The following CRADD variants were observed in gnomAD, a reference collection of about 807,000 sequenced individuals.
CRADD encodes the protein death domain-containing protein CRADD.
A neutral mutation model predicts 15.5 loss-of-function variants in CRADD; 9 were observed. The observed-to-expected ratio is 0.58, with a 90% CI of 0.35 to 1.01. The LOEUF is 1.01. Among genes scored for constraint, CRADD ranks in the 50% least tolerant of loss-of-function variants. The pLI, the probability that CRADD is intolerant of heterozygous loss-of-function variation, is 0.02. For missense variants in CRADD, 227 were observed against 250.3 expected (o/e 0.91, Z 0.63); for synonymous variants, 118 against 107.6 (o/e 1.10, Z -0.60).
chr12:93,765,319 TAGTA>T (rs530353269), intron 2 of CRADD, among the ~76,000 whole-genome samples: 100 of 152,262 alleles, frequency 6.6e-4, no homozygotes, highest in African/African-American at 2.1e-3. Flanking sequence ...ATCATATTAA[TAGTA>T]ATAATAATAA....
chr12:93,750,557 CA>C (rs938659314), intron 2 of CRADD, among the ~76,000 whole-genome samples: 11 of 151,962 alleles, frequency 7.2e-5, no homozygotes, highest in Admixed American at 2.0e-4. Flanking sequence ...AAATTACATA[CA>C]AAAAAACCTA....
At chr12:93,734,277 A>T (rs556120238) in intron 2 of CRADD, among the ~76,000 whole-genome samples, 10 of 152,204 alleles carry the variant, frequency 6.6e-5, no homozygotes, top group Non-Finnish European at 1.2e-4. Flanking sequence ...AGAGATTCAA[A>T]GCATTTTCAA....
intron 2 of CRADD, among the ~76,000 whole-genome samples, chr12:93,783,228 GTATTATTATTAT>G (rs57260302): frequency 0.065 from 9,014 of 139,304 alleles, 623 homozygotes; most frequent in African/African-American, 0.14. Flanking sequence ...ACAGGTATAG[GTATTATTATTAT>G]TATTATTATT....
intron 2 of CRADD, among the ~76,000 whole-genome samples, chr12:93,717,124 A>G (rs932477746): frequency 7.9e-5 from 12 of 152,286 alleles, no homozygotes; most frequent in African/African-American, 2.9e-4. Flanking sequence ...CCTTAATGAT[A>G]TATGATGTTG....
chr12:93,693,412 C>G (rs1410778590), intron 2 of CRADD, among the ~76,000 whole-genome samples: 1 of 151,870 alleles, frequency 6.6e-6, no homozygotes, highest in African/African-American at 2.4e-5. Flanking sequence ...ATTTTCCATG[C>G]AAATGGAAAC....
intron 2 of CRADD, among the ~76,000 whole-genome samples, chr12:93,694,516 G>C (rs1257317330): frequency 1.3e-5 from 2 of 152,066 alleles, no homozygotes; most frequent in Non-Finnish European, 1.5e-5. Flanking sequence ...AGATTAGAAA[G>C]AAAGAAGTTA....
At chr12:93,728,859 A>G (rs538925768) in intron 2 of CRADD, among the ~76,000 whole-genome samples, 33 of 152,232 alleles carry the variant, frequency 2.2e-4, no homozygotes, top group Non-Finnish European at 3.7e-4. Flanking sequence ...TTGAAAATCA[A>G]TGTAATTTAT....
At chr12:93,773,440 CT>C (rs941249065) in intron 2 of CRADD, among the ~76,000 whole-genome samples, 1 of 152,142 alleles carries the variant, frequency 6.6e-6, no homozygotes, top group African/African-American at 2.4e-5. Flanking sequence ...TGAGGTGTGC[CT>C]TTCACCTTCT....
intron 2 of CRADD, among the ~76,000 whole-genome samples, chr12:93,695,356 T>C (rs985100394): frequency 6.6e-6 from 1 of 152,158 alleles, no homozygotes; most frequent in African/African-American, 2.4e-5. Flanking sequence ...ATGAAACTAC[T>C]AGAAGAAAAC....
At chr12:93,756,760 C>T (rs1265866330) in intron 2 of CRADD, among the ~76,000 whole-genome samples, 4 of 152,186 alleles carry the variant, frequency 2.6e-5, no homozygotes, top group Non-Finnish European at 5.9e-5. Context: ...CAAGAACATG[C>T]CATGTAGGCA....
At chr12:93,852,588 C>G (rs1006091208), downstream of CRADD, among the ~76,000 whole-genome samples, 1 of 152,200 alleles carries the variant, frequency 6.6e-6, no homozygotes, top group Non-Finnish European at 1.5e-5. Flanking sequence ...GCAGCTGAAT[C>G]CCTATCTTGG....
intron 2 of CRADD, among the ~76,000 whole-genome samples, chr12:93,890,749 T>G (rs1958570239): frequency 6.7e-6 from 1 of 148,376 alleles, no homozygotes; most frequent in Non-Finnish European, 1.5e-5. Flanking sequence ...TTGTTGCTTG[T>G]TTTTTCTTTC....
intron 2 of CRADD, among the ~76,000 whole-genome samples, chr12:93,797,636 A>G (rs1488243372): frequency 6.6e-6 from 1 of 152,186 alleles, no homozygotes; most frequent in Non-Finnish European, 1.5e-5. Context: ...AACTTTGCCA[A>G]AAGAATTTTA....
At chr12:93,718,503 A>T (rs2136881489) in intron 2 of CRADD, among the ~76,000 whole-genome samples, 1 of 152,154 alleles carries the variant, frequency 6.6e-6, no homozygotes, top group East Asian at 1.9e-4. Flanking sequence ...TGTATATTAA[A>T]CTTTTATTCT....
chr12:93,781,771 A>C (rs1333123289), intron 2 of CRADD, among the ~76,000 whole-genome samples: 1 of 152,240 alleles, frequency 6.6e-6, no homozygotes. Context: ...AACATGCTAA[A>C]CACCACTACA....
chr12:93,890,034 G>A (rs1274623764), intron 2 of CRADD, among the ~76,000 whole-genome samples: 4 of 152,210 alleles, frequency 2.6e-5, no homozygotes, highest in Non-Finnish European at 2.9e-5. Flanking sequence ...CCGGGCCTCC[G>A]AGCCTTCTTG....
chr12:93,802,232 G>C (rs1337324278), intron 2 of CRADD, among the ~76,000 whole-genome samples: 2 of 152,178 alleles, frequency 1.3e-5, no homozygotes, highest in African/African-American at 4.8e-5. Flanking sequence ...GGATTGAATG[G>C]TACTTCTACT....
chr12:93,783,266 A>G (rs1957233551), intron 2 of CRADD, among the ~76,000 whole-genome samples: 1 of 138,170 alleles, frequency 7.2e-6, no homozygotes, highest in Non-Finnish European at 1.5e-5. Context: ...TATTATTATT[A>G]TTATTATTTT....
intron 2 of CRADD, among the ~76,000 whole-genome samples, chr12:93,714,328 A>G (rs751661430): frequency 2.0e-5 from 3 of 152,204 alleles, no homozygotes; most frequent in Non-Finnish European, 4.4e-5. Context: ...CATGAAATAA[A>G]TGGATTCCGT....
Sources: allele counts gnomAD v4.1 joint callset (sites outside exome capture counted in the v4.1 genomes callset), GRCh38; gene constraint gnomAD v4.1.1; transcripts MANE v1.5; gene names NCBI Gene and HGNC (gene_info 2026-07-23, HGNC 2026-07-21).